The following PPIP5K1 variants were observed in gnomAD, a reference collection of about 807,000 sequenced individuals.
The protein encoded by PPIP5K1 is diphosphoinositol pentakisphosphate kinase 1.
In PPIP5K1, 6 loss-of-function variants were observed where a neutral mutation model predicts 27.7. The observed-to-expected ratio is 0.22, with a 90% CI of 0.12 to 0.43. The LOEUF (loss-of-function observed/expected upper bound fraction) is 0.43, where lower values mean the gene tolerates loss of function less well. Among genes scored for constraint, PPIP5K1 ranks in the 20% least tolerant of loss-of-function variants. The probability of loss-of-function intolerance (pLI) is 1.00; values close to 1 mark genes in which losing one functional copy is unlikely to be tolerated. For missense variants in PPIP5K1, 394 were observed against 635.4 expected (o/e 0.62, Z 4.08); for synonymous variants, 145 against 242.6 (o/e 0.60, Z 3.74).
chr15:43,550,040 A>C (rs2081994531), intron 30 of PPIP5K1, among the ~76,000 whole-genome samples: 1 of 152,196 alleles, frequency 6.6e-6, no homozygotes, highest in Non-Finnish European at 1.5e-5. Flanking sequence ...TCCTGGCCTC[A>C]AATGATCCTC....
chr15:43,543,041 G>A (rs868466867), intron 30 of PPIP5K1, among the ~76,000 whole-genome samples: 21 of 151,666 alleles, frequency 1.4e-4, no homozygotes, highest in African/African-American at 5.1e-4. Flanking sequence ...GGGCTTGATT[G>A]TTTCCTTGCT....
rs1763895284 is a variant in PPIP5K1 at position 43,534,735 on chromosome 15, G to A, written c.4412C>T (p.Ser1471Phe). ...SQGIPEIDKPSQEFPEEIDLQ... is the reference protein window; with the variant it reads ...SQGIPEIDKPFQEFPEEIDLQ... ...ATCAATCTCCTCAGGGAACTCTTGG[G>A]ATGGTTTATCAATCTCAGGGATGCC... Residue 1471 changes from serine (S) to phenylalanine (F), a missense_variant, in exon 32 of 32, where the codon TCC (serine) becomes TTC (phenylalanine). By Grantham distance (155) the Ser-to-Phe change is radical. This residue lies in a region of PPIP5K1 where 379 missense variants were observed against 423.9 expected (regional missense o/e 0.89). Transcript: ENST00000420765. 6.5e-7 allele frequency: 1 copy of A among 1,545,510 alleles called. No homozygotes were observed. Among genetic ancestry groups the A allele is most frequent in the African/African-American group, 1.4e-5 (1 of 72,640 alleles).
intron 30 of PPIP5K1, 95 bp from the exon 31 acceptor site, chr15:43,539,678 C>T: frequency 2.8e-6 from 2 of 719,892 alleles, no homozygotes; most frequent in South Asian, 1.9e-5. Flanking sequence ...TCAAAGCCAA[C>T]TTACCCTTCC....
chr15:43,557,193 C>T (rs1419076665), intron 30 of PPIP5K1, among the ~76,000 whole-genome samples: 1 of 152,158 alleles, frequency 6.6e-6, no homozygotes, highest in Admixed American at 6.5e-5. Context: ...CACCTGTAAT[C>T]CCAGCACTGT....
At chr15:43,559,988 A>G (rs1354181785) in intron 29 of PPIP5K1, among the ~76,000 whole-genome samples, 1 of 151,854 alleles carries the variant, frequency 6.6e-6, no homozygotes, top group African/African-American at 2.4e-5. Context: ...TGCCCCAAGG[A>G]TACAATTGAG....
At chr15:43,536,842 C>G in intron 31 of PPIP5K1, among the ~76,000 whole-genome samples, 1 of 152,162 alleles carries the variant, frequency 6.6e-6, no homozygotes, top group Admixed American at 6.5e-5. Context: ...CTACTTTTCC[C>G]TTGGTAAACA....
rs1340052207 is a variant in PPIP5K1, at chr15:43,548,621, T to G, written c.3557-9038A>C. ...AGGCTGGAGTACAGTGGTGCAATCA[T>G]GGCTCACTGCAGTCTTGACCTTCCA... On this transcript the variant is annotated intron_variant, in intron 30 of 31. Coordinates refer to ENST00000420765, the MANE Select transcript of PPIP5K1 (RefSeq NM_001394395.1). 3.3e-5 allele frequency: 5 copies of G among 150,808 alleles called. 1 individual carries two copies. Among genetic ancestry groups the G allele is most frequent in the Admixed American group, 3.3e-4 (5 of 15,104 alleles). 9.3% of individuals were successfully genotyped at this position (150,808 alleles called of 1,614,324 possible). A position where few individuals can be genotyped will look rare whatever the true frequency, so the allele number is the denominator to read the frequency against.
At chr15:43,544,228 A>T (rs1337512262) in intron 30 of PPIP5K1, among the ~76,000 whole-genome samples, 1 of 152,114 alleles carries the variant, frequency 6.6e-6, no homozygotes, top group East Asian at 1.9e-4. Flanking sequence ...GTAAATATAT[A>T]TGTATTTTTT....
intron 30 of PPIP5K1, among the ~76,000 whole-genome samples, chr15:43,551,159 T>C (rs948804944): frequency 6.6e-6 from 1 of 152,204 alleles, no homozygotes; most frequent in African/African-American, 2.4e-5. Context: ...TCTTTAAATA[T>C]GTGGTAGAGT....
chr15:43,546,805 C>T (rs1169626068), intron 30 of PPIP5K1, among the ~76,000 whole-genome samples: 1 of 151,792 alleles, frequency 6.6e-6, no homozygotes, highest in Non-Finnish European at 1.5e-5. Context: ...TACAGGTGTG[C>T]ACCACCATGC....
chr15:43,558,267 T>C (rs2083280352), intron 30 of PPIP5K1, among the ~76,000 whole-genome samples: 1 of 151,130 alleles, frequency 6.6e-6, no homozygotes, highest in Non-Finnish European at 1.5e-5. Context: ...CTCACTCTGT[T>C]GCCAGGCCGG....
intron 31 of PPIP5K1, among the ~76,000 whole-genome samples, chr15:43,536,598 G>A (rs1274064446): frequency 1.3e-5 from 2 of 152,108 alleles, no homozygotes; most frequent in Admixed American, 6.5e-5. Context: ...GATTCCTGAA[G>A]CTCACAGACC....
chr15:43,537,453 C>T, intron 31 of PPIP5K1: 2 of 254,716 alleles, frequency 7.9e-6, no homozygotes, highest in South Asian at 3.8e-5. Flanking sequence ...CTTTGGGAGG[C>T]TGAGGTGGGT....
intron 30 of PPIP5K1, among the ~76,000 whole-genome samples, chr15:43,552,527 A>AT (rs1202347269): frequency 9.4e-5 from 11 of 116,712 alleles, no homozygotes; most frequent in South Asian, 5.3e-4. Flanking sequence ...CTCTGTCTCT[A>AT]TAAAAAAAAA....
In PPIP5K1 at chr15:43,559,071, A is replaced by C. The variant is rs569301708; in HGVS notation, c.3419-139T>G. 1.4e-3 allele frequency: 1,317 copies of C among 973,772 alleles called. 2 individuals are homozygous for C. Among genetic ancestry groups the C allele is most frequent in the Admixed American group, 2.8e-3 (117 of 42,266 alleles). The allele number at this position is 973,772 out of a possible 1,614,324, so 60.3% of individuals were successfully genotyped here. A position where few individuals can be genotyped will look rare whatever the true frequency, so the allele number is the denominator to read the frequency against. On this transcript the variant is annotated intron_variant, in intron 29 of 31. Coordinates refer to ENST00000420765, the MANE Select transcript of PPIP5K1 (RefSeq NM_001394395.1). ...GTGTTGGGTATCCAAGACTCTTAGG[A>C]GAGGGAACTCTTTAGAGCCCCTAGG...
intron 29 of PPIP5K1, among the ~76,000 whole-genome samples, chr15:43,559,877 C>T (rs1181868344): frequency 3.3e-5 from 5 of 150,652 alleles, no homozygotes; most frequent in African/African-American, 5.0e-5. Context: ...TAAGGATACA[C>T]GGGACAACGA....
chr15:43,560,870 C>A (rs2602135), intron 28 of PPIP5K1, among the ~76,000 whole-genome samples: 26,965 of 147,502 alleles, frequency 0.18, 19 homozygotes, highest in African/African-American at 0.38. Context: ...AGCATAATTC[C>A]GTCAGTGCTT....
At chr15:43,540,948 A>AAAATT (rs1881516918) in intron 30 of PPIP5K1, among the ~76,000 whole-genome samples, 1 of 152,142 alleles carries the variant, frequency 6.6e-6, no homozygotes, top group African/African-American at 2.4e-5. Flanking sequence ...CAAGCTAAAC[A>AAAATT]AAATTAAAAA....
intron 29 of PPIP5K1, 30 bp from the exon 30 acceptor site, chr15:43,558,962 G>A: frequency 6.2e-7 from 1 of 1,610,822 alleles, no homozygotes; most frequent in South Asian, 1.1e-5. Context: ...CAAAGTCAAT[G>A]TTACTCCTGC....
Sources: gnomAD v4.1 joint callset for allele counts (sites outside exome capture counted in the v4.1 genomes callset) on GRCh38, gnomAD v4.1.1 for gene constraint, gnomAD v4.1.1 regional missense constraint, MANE v1.5 for transcripts, NCBI Gene and HGNC (gene_info 2026-07-23, HGNC 2026-07-21) for gene names.